NAALADL2: variants seen among roughly 807,000 people sequenced by gnomAD.
NAALADL2 encodes inactive N-acetylated-alpha-linked acidic dipeptidase-like protein 2.
NAALADL2 carries 76 observed loss-of-function variants against 87.2 expected under a neutral mutation model. The observed-to-expected ratio is 0.87, with a 90% CI of 0.72 to 1.05. The LOEUF (loss-of-function observed/expected upper bound fraction) is 1.05, where lower values mean the gene tolerates loss of function less well. NAALADL2 is among the 50% of genes least tolerant of loss of function. The pLI is 0.00. For missense variants in NAALADL2, 1,089 were observed against 945.8 expected, an observed-to-expected ratio of 1.15 and a Z score of -1.99; for synonymous variants, 354 against 331.0, an observed-to-expected ratio of 1.07 and a Z score of -0.75.
intron 1 of NAALADL2, among the ~76,000 whole-genome samples, chr3:174,967,384 A>G (rs539011814): frequency 6.6e-6 from 1 of 151,990 alleles, no homozygotes; most frequent in Non-Finnish European, 1.5e-5. Flanking sequence ...AAAAAAAAAA[A>G]AAAGAAAAAA....
intron 9 of NAALADL2, among the ~76,000 whole-genome samples, chr3:175,565,780 C>A (rs1431481715): frequency 2.0e-5 from 3 of 150,590 alleles, no homozygotes; most frequent in Non-Finnish European, 2.9e-5. Flanking sequence ...ATATCTGTTA[C>A]ATGGTTTGTT....
At chr3:174,796,893 C>A (rs570200774) in intron 3 of NAALADL2, among the ~76,000 whole-genome samples, 1 of 151,558 alleles carries the variant, frequency 6.6e-6, no homozygotes, top group Non-Finnish European at 1.5e-5. Flanking sequence ...GATATTTTCT[C>A]CTATTTTGCA....
intron 1 of NAALADL2, among the ~76,000 whole-genome samples, chr3:174,917,214 G>GA (rs573889572): frequency 2.0e-5 from 3 of 151,572 alleles, no homozygotes; most frequent in African/African-American, 7.3e-5. Context: ...ATAGTCAATT[G>GA]AAAAAAAAGT....
chr3:174,603,159 T>G (rs939119531), intron 2 of NAALADL2, among the ~76,000 whole-genome samples: 4 of 152,082 alleles, frequency 2.6e-5, no homozygotes, highest in African/African-American at 7.2e-5. Context: ...TTTTCCTGTA[T>G]TTCTTGAATA....
At chr3:175,543,652 T>C (rs4257558) in intron 9 of NAALADL2, among the ~76,000 whole-genome samples, 99,529 of 151,840 alleles carry the variant, frequency 0.66, 33,517 homozygotes, top group East Asian at 0.87. Flanking sequence ...GAACTCACTT[T>C]CTATCATGAG....
chr3:174,652,747 A>G (rs1010287867), intron 2 of NAALADL2, among the ~76,000 whole-genome samples: 2 of 152,174 alleles, frequency 1.3e-5, no homozygotes, highest in African/African-American at 4.8e-5. Context: ...ATTATATTCA[A>G]TTAAGAACTT....
intron 1 of NAALADL2, among the ~76,000 whole-genome samples, chr3:174,546,742 C>T (rs141761900): frequency 5.3e-5 from 8 of 152,262 alleles, no homozygotes; most frequent in Non-Finnish European, 1.2e-4. Context: ...ACTACATCCT[C>T]GACCTCCTAG....
At chr3:175,006,700 C>T (rs957267376) in intron 1 of NAALADL2, among the ~76,000 whole-genome samples, 1 of 151,230 alleles carries the variant, frequency 6.6e-6, no homozygotes, top group Non-Finnish European at 1.5e-5. Flanking sequence ...AGGTTTTTAA[C>T]AGCCACCTCT....
intron 3 of NAALADL2, among the ~76,000 whole-genome samples, chr3:174,798,273 G>A (rs1718380531): frequency 6.6e-6 from 1 of 152,058 alleles, no homozygotes; most frequent in African/African-American, 2.4e-5. Flanking sequence ...TGTTGCTGTT[G>A]TTACTGTTTT....
intron 9 of NAALADL2, among the ~76,000 whole-genome samples, chr3:175,533,692 C>T (rs966820968): frequency 1.1e-4 from 17 of 152,156 alleles, no homozygotes; most frequent in African/African-American, 3.9e-4. Context: ...GAACACCTGG[C>T]GAGGCTGTGC....
At chr3:174,572,072 A>G (rs897354833) in intron 2 of NAALADL2, among the ~76,000 whole-genome samples, 2 of 152,184 alleles carry the variant, frequency 1.3e-5, no homozygotes, top group Admixed American at 6.5e-5. Flanking sequence ...CAAATTCACT[A>G]GTGAACATAT....
intron 9 of NAALADL2, among the ~76,000 whole-genome samples, chr3:175,507,151 C>G (rs1035534696): frequency 6.6e-6 from 1 of 151,662 alleles, no homozygotes; most frequent in Non-Finnish European, 1.5e-5. Flanking sequence ...ACCTTTCTTT[C>G]AACGTTCCCT....
chr3:175,142,972 A>G (rs542388035), intron 2 of NAALADL2, among the ~76,000 whole-genome samples: 1 of 151,974 alleles, frequency 6.6e-6, no homozygotes, highest in East Asian at 1.9e-4. Context: ...TTTAAAATAT[A>G]TATTTAAATT....
At chr3:175,636,427 G>A (rs570994604) in intron 11 of NAALADL2, among the ~76,000 whole-genome samples, 22 of 152,068 alleles carry the variant, frequency 1.4e-4, no homozygotes, top group South Asian at 4.1e-4. Context: ...GGCGGGGCAC[G>A]GTGGCTCACG....
chr3:175,467,130 C>T lies in NAALADL2; in HGVS notation c.1479C>T (p.Phe493=), dbSNP rs749517499. ...GGAGACCAGACCGAACTATTGTTTT[C>T]TGTTCTTGGGGAGGAACAGCTTTTG... The part of the protein sequence containing the change: ...RGWRPDRTIV[F]CSWGGTAFGN... The change falls in exon 8 of 14, where the codon TTC becomes TTT. Residue 493 remains phenylalanine, a synonymous_variant. Transcript: ENST00000454872. 1 of 1,613,840 alleles carries T rather than the reference C, an allele frequency of 6.2e-7. No individual in the cohort carries two copies. The highest frequency in any genetic ancestry group is 8.5e-7 in the Non-Finnish European group (1 of 1,179,808).
intron 2 of NAALADL2, among the ~76,000 whole-genome samples, chr3:175,202,928 C>T (rs1740267152): frequency 6.6e-6 from 1 of 152,044 alleles, no homozygotes; most frequent in Non-Finnish European, 1.5e-5. Flanking sequence ...CCTCACCCAG[C>T]TCCCACATAA....
intron 3 of NAALADL2, among the ~76,000 whole-genome samples, chr3:175,255,270 C>T (rs1749733726): frequency 6.6e-6 from 1 of 152,184 alleles, no homozygotes; most frequent in Non-Finnish European, 1.5e-5. Flanking sequence ...AATATTTTCT[C>T]TAACAGATTT....
chr3:175,100,981 T>A (rs1253739297), intron 2 of NAALADL2, among the ~76,000 whole-genome samples: 1 of 151,968 alleles, frequency 6.6e-6, no homozygotes, highest in Non-Finnish European at 1.5e-5. Flanking sequence ...TGAGGTGTGT[T>A]CAGAGGCCTG....
intron 10 of NAALADL2, among the ~76,000 whole-genome samples, chr3:175,624,021 C>A (rs1726631275): frequency 6.6e-6 from 1 of 151,718 alleles, no homozygotes; most frequent in Non-Finnish European, 1.5e-5. Flanking sequence ...GTCACTTGCA[C>A]TGTGTTAGGT....
Sources: gnomAD v4.1 joint callset for allele counts (sites outside exome capture counted in the v4.1 genomes callset) on GRCh38, gnomAD v4.1.1 for gene constraint, MANE v1.5 for transcripts, NCBI Gene and HGNC (gene_info 2026-07-23, HGNC 2026-07-21) for gene names.